Variants in ZBTB32 observed in about 807,000 individuals in gnomAD.
ZBTB32 encodes zinc finger and BTB domain-containing protein 32.
In ZBTB32, 28 loss-of-function variants were observed where a neutral mutation model predicts 45.3. The ratio of observed to expected loss-of-function variants is 0.62; its 90% CI spans 0.46 to 0.85. ZBTB32 has a LOEUF of 0.85. ZBTB32 is among the 40% of genes least tolerant of loss of function. ZBTB32 has a pLI of 0.00. For missense variants in ZBTB32, 587 were observed against 624.4 expected, an observed-to-expected ratio of 0.94 and a Z score of 0.64; for synonymous variants, 283 against 255.7, an observed-to-expected ratio of 1.11 and a Z score of -1.02.
At chr19:35,706,685 ACTC>A (rs1219052074) in intron 1 of ZBTB32, among the ~76,000 whole-genome samples, 1 of 152,126 alleles carries the variant, frequency 6.6e-6, no homozygotes, top group Non-Finnish European at 1.5e-5. Context: ...GCGCCACTGC[ACTC>A]CAGCCTGGGC....
At chr19:35,716,348 T>A (rs762229059) in intron 6 of ZBTB32, 51 bp downstream of exon 6, 2 of 1,607,516 alleles carry the variant, frequency 1.2e-6, no homozygotes, top group Admixed American at 3.3e-5. Context: ...CCAACTCCGC[T>A]CCTGAGTCTC....
chr19:35,716,704 G>A lies in ZBTB32; in HGVS notation c.1416G>A (p.Pro472=), dbSNP rs770618117. The A allele has an allele frequency of 2.0e-5, 33 of 1,613,838 alleles. No homozygotes were observed. The Admixed American group carries it at 5.5e-4, about 27-fold the overall frequency. ...RSTFLYSSSR[P]SRPSTSPCCP... ...CCTTCCTCTACTCCTCCTCGAGGCCGTCTCGGCCCTCGACCTCTCCCTGTT... is the reference window on the plus strand; with the variant it reads ...CCTTCCTCTACTCCTCCTCGAGGCCATCTCGGCCCTCGACCTCTCCCTGTT... Residue 472 remains proline (P), a synonymous_variant, in exon 7 of 7, where the codon CCG becomes CCA. Coordinates refer to ENST00000392197, the MANE Select transcript of ZBTB32 (RefSeq NM_014383.3).
rs761911633 is a variant in ZBTB32, at chr19:35,715,878, T to C, written c.955+48T>C. ...TACACCTGTAACATGGTGTCTTCTCTGGGCTGGGGCTCGAGGAGTCCAGCC... is the reference window on the plus strand; with the variant it reads ...TACACCTGTAACATGGTGTCTTCTCCGGGCTGGGGCTCGAGGAGTCCAGCC... On this transcript the variant is annotated intron_variant, in intron 4 of 6. Transcript: ENST00000392197. The C allele has an allele frequency of 5.6e-6, 9 of 1,610,026 alleles. No individual in the cohort carries two copies. In the South Asian group the frequency reaches 6.6e-5, roughly 12 times the overall value.
At position 35,714,587 on chromosome 19, in the gene ZBTB32, C is replaced by T. The variant is rs1257779301; in HGVS notation, c.-40C>T. 1 of 1,492,418 alleles carries T rather than the reference C, an allele frequency of 6.7e-7. No individual in the cohort carries two copies. Among genetic ancestry groups the T allele is most frequent in the Non-Finnish European group, 9.0e-7 (1 of 1,117,268 alleles). The allele number at this position is 1,492,418 out of a possible 1,614,324, so 92.4% of individuals were successfully genotyped here. ...CCATGGACCTCACACTGTGGACTTCCTCTTAGAGCCTCTGAGTTAGGTACC... is the reference window on the plus strand; with the variant it reads ...CCATGGACCTCACACTGTGGACTTCTTCTTAGAGCCTCTGAGTTAGGTACC... On this transcript the variant is annotated 5_prime_UTR_variant, in exon 3 of 7. Transcript: ENST00000392197.
intron 1 of ZBTB32, among the ~76,000 whole-genome samples, chr19:35,712,546 C>T (rs763809063): frequency 2.0e-5 from 3 of 152,118 alleles, no homozygotes; most frequent in Non-Finnish European, 4.4e-5. Context: ...GAAAGTTGAG[C>T]CTCTAAGACC....
At chr19:35,706,228 C>CAAAAAAAAAAAAAA (rs11331490) in intron 1 of ZBTB32, among the ~76,000 whole-genome samples, 1 of 130,706 alleles carries the variant, frequency 7.7e-6, no homozygotes, top group East Asian at 2.4e-4. Flanking sequence ...AACTCCATCT[C>CAAAAAAAAAAAAAA]AAAAAAAAAA....
chr19:35,709,260 C>G (rs981918655), intron 1 of ZBTB32, among the ~76,000 whole-genome samples: 1 of 152,156 alleles, frequency 6.6e-6, no homozygotes, highest in Non-Finnish European at 1.5e-5. Context: ...CAGAATTTTT[C>G]TAAATTGAAT....
In ZBTB32 at chr19:35,715,286, G is replaced by A. The variant is rs1447692969; in HGVS notation, c.660G>A (p.Gly220=). Residue 220 remains glycine (G), a synonymous_variant, in exon 3 of 7, where the codon GGG becomes GGA. Transcript: ENST00000392197. The part of the protein sequence containing the change: ...GVLTWLRENP[G]GSEESLRKLP... ...TCACGTGGTTGAGGGAAAATCCAGGGGGCTCTGAGGAAAGTCTGCGCAAGC... is the reference window on the plus strand; with the variant it reads ...TCACGTGGTTGAGGGAAAATCCAGGAGGCTCTGAGGAAAGTCTGCGCAAGC... The A allele has an allele frequency of 2.5e-6, 4 of 1,582,026 alleles. No individual in the cohort carries two copies. Among genetic ancestry groups the A allele is most frequent in the African/African-American group, 1.4e-5 (1 of 73,420 alleles).
chr19:35,708,861 C>T (rs903184844), intron 1 of ZBTB32, among the ~76,000 whole-genome samples: 9 of 147,676 alleles, frequency 6.1e-5, no homozygotes, highest in African/African-American at 2.0e-4. Context: ...TCTTGTTGCT[C>T]AGGCTAGAGT....
rs115331351 is a variant in ZBTB32 at position 35,715,517 on chromosome 19, G to A, written c.881+10G>A. On this transcript the variant is annotated intron_variant, in intron 3 of 6. Coordinates refer to ENST00000392197, the MANE Select transcript of ZBTB32 (RefSeq NM_014383.3). ...TCTGGCGGGAACAGAGGTGAGTGGC[G>A]GGGTCTAGTGCTCTGCCTCCAGGCT... 7.4e-4 allele frequency: 1,131 copies of A among 1,528,524 alleles called. 15 individuals are homozygous for A. In the African/African-American group the frequency reaches 0.015, roughly 20 times the overall value. The allele number at this position is 1,528,524 out of a possible 1,614,324, so 94.7% of individuals were successfully genotyped here.
rs144550044 is a variant in ZBTB32 at position 35,710,980 on chromosome 19, C to A, written c.-221-1937C>A. ...TAAGGGGATATCCTTAGGTGGGGTT[C>A]CCCATTCTTGGGGGCTTTTGTTCAC... is the stretch of plus-strand genomic sequence containing the variant. On this transcript the variant is annotated intron_variant, in intron 1 of 6. Transcript: ENST00000392197. Among the ~76,000 whole-genome samples, 492 of 152,252 alleles carry A rather than the reference C, an allele frequency of 3.2e-3. 2 individuals carry two copies. The highest frequency in any genetic ancestry group is 5.4e-3 in the Non-Finnish European group (367 of 68,010).
chr19:35,709,749 C>T (rs753132632), intron 1 of ZBTB32, among the ~76,000 whole-genome samples: 2 of 151,462 alleles, frequency 1.3e-5, no homozygotes, highest in Admixed American at 6.6e-5. Flanking sequence ...TTTGGTGATG[C>T]ACACCTGTGA....
At chr19:35,711,545 T>C (rs942857052) in intron 1 of ZBTB32, among the ~76,000 whole-genome samples, 3 of 152,152 alleles carry the variant, frequency 2.0e-5, no homozygotes, top group African/African-American at 7.2e-5. Context: ...GCCTCACCCA[T>C]TGACACACCC....
At chr19:35,705,843 G>A (rs1311436787) in intron 1 of ZBTB32, among the ~76,000 whole-genome samples, 5 of 151,100 alleles carry the variant, frequency 3.3e-5, no homozygotes, top group East Asian at 1.9e-4. Flanking sequence ...CCCACGAGGC[G>A]GAGGTTGCAG....
rs1306776301 is a variant in ZBTB32 at position 35,708,672 on chromosome 19, G to A, written c.-222+4049G>A. ...GAAGGGGCTAGATTCAGCTCACCTG[G>A]GTATGACTATAGCTGGTTCTTGGAT... On this transcript the variant is annotated intron_variant, in intron 1 of 6. Coordinates refer to ENST00000392197, the MANE Select transcript of ZBTB32 (RefSeq NM_014383.3). Among the ~76,000 whole-genome samples the A allele has an allele frequency of 2.0e-5, 3 of 152,080 alleles. No homozygotes were observed. The East Asian group carries it at 5.8e-4, about 29-fold the overall frequency.
At position 35,708,541 on chromosome 19, in the gene ZBTB32, T is replaced by C. The variant is rs1968605667; in HGVS notation, c.-222+3918T>C. On this transcript the variant is annotated intron_variant, in intron 1 of 6. Coordinates refer to ENST00000392197, the MANE Select transcript of ZBTB32 (RefSeq NM_014383.3). ...GGGTCTTGGAAGACTTAGCTCCATATGAGTGCTGAAGAGAAGGGCCATTCA... is the reference window on the plus strand; with the variant it reads ...GGGTCTTGGAAGACTTAGCTCCATACGAGTGCTGAAGAGAAGGGCCATTCA... 2.0e-5 allele frequency among the ~76,000 whole-genome samples: 3 copies of C among 152,342 alleles called. No homozygotes were observed. In the South Asian group the frequency reaches 6.2e-4, roughly 32 times the overall value.
At chr19:35,715,914 C>G in intron 4 of ZBTB32, 25 bp from the exon 5 acceptor site, 3 of 1,612,160 alleles carry the variant, frequency 1.9e-6, no homozygotes, top group Non-Finnish European at 2.5e-6. Flanking sequence ...TGAGCAGGGC[C>G]CCTACCTCCC....
chr19:35,706,370 G>A (rs1423974252), intron 1 of ZBTB32, among the ~76,000 whole-genome samples: 1 of 151,848 alleles, frequency 6.6e-6, no homozygotes, highest in Non-Finnish European at 1.5e-5. Context: ...TGGGGAGGAT[G>A]AACATCGTAG....
At chr19:35,711,578 C>T (rs1430355199) in intron 1 of ZBTB32, among the ~76,000 whole-genome samples, 3 of 152,136 alleles carry the variant, frequency 2.0e-5, no homozygotes, top group Non-Finnish European at 4.4e-5. Context: ...GAAGGGTTAA[C>T]ATGTGCCTGC....
Sources: gnomAD v4.1 joint callset for allele counts (sites outside exome capture counted in the v4.1 genomes callset) on GRCh38, gnomAD v4.1.1 for gene constraint, MANE v1.5 for transcripts, NCBI Gene and HGNC (gene_info 2026-07-23, HGNC 2026-07-21) for gene names.